Variants in WDR7 observed in about 807,000 individuals in gnomAD.
WDR7 encodes WD repeat domain 7.
A neutral mutation model predicts 169.4 loss-of-function variants in WDR7; 46 were observed. That is an observed-to-expected ratio of 0.27 (90% CI 0.21 to 0.35). The LOEUF (loss-of-function observed/expected upper bound fraction) is 0.35, where lower values mean the gene tolerates loss of function less well. Ranked by LOEUF, WDR7 falls within the 10% of genes least tolerant of loss-of-function variation. The probability of loss-of-function intolerance (pLI) is 1.00; values close to 1 mark genes in which losing one functional copy is unlikely to be tolerated. For synonymous variants in WDR7, 612 were observed against 666.8 expected (o/e 0.92, Z 1.27); for missense variants, 1,534 against 1,859.3 (o/e 0.83, Z 3.22).
intron 22 of WDR7, among the ~76,000 whole-genome samples, chr18:56,932,907 C>G (rs1304876439): frequency 5.5e-5 from 8 of 145,598 alleles, no homozygotes; most frequent in African/African-American, 1.0e-4. Context: ...GTGTGTGTGT[C>G]TATCTGTCTG....
At chr18:56,662,885 A>G (rs1296895553) in intron 1 of WDR7, among the ~76,000 whole-genome samples, 1 of 152,240 alleles carries the variant, frequency 6.6e-6, no homozygotes, top group Non-Finnish European at 1.5e-5. Flanking sequence ...TTCTAGAACT[A>G]AAGAGACATA....
chr18:56,939,807 T>C (rs940787098), intron 25 of WDR7, among the ~76,000 whole-genome samples: 2 of 152,054 alleles, frequency 1.3e-5, no homozygotes, highest in Admixed American at 6.6e-5. Context: ...CCAAGGCCAG[T>C]CTTTGCATTA....
intron 16 of WDR7, among the ~76,000 whole-genome samples, chr18:56,774,142 A>C (rs1410339651): frequency 6.6e-6 from 1 of 152,080 alleles, no homozygotes; most frequent in African/African-American, 2.4e-5. Flanking sequence ...ATATGTATGG[A>C]GCACCCGAAG....
At chr18:56,833,735 C>G (rs2045353664) in intron 20 of WDR7, among the ~76,000 whole-genome samples, 1 of 152,154 alleles carries the variant, frequency 6.6e-6, no homozygotes, top group Non-Finnish European at 1.5e-5. Context: ...TATTCATAAT[C>G]TGGTAGCTAG....
At chr18:56,916,126 T>G (rs1468032580) in intron 21 of WDR7, among the ~76,000 whole-genome samples, 3 of 152,308 alleles carry the variant, frequency 2.0e-5, no homozygotes, top group African/African-American at 7.2e-5. Flanking sequence ...GACAAAATTT[T>G]TTTTATTATA....
At chr18:56,861,151 T>A (rs889105774) in intron 20 of WDR7, among the ~76,000 whole-genome samples, 2 of 152,180 alleles carry the variant, frequency 1.3e-5, no homozygotes, top group Non-Finnish European at 2.9e-5. Context: ...CCTTGATGGT[T>A]GCACTTTGAT....
chr18:56,980,056 C>A (rs1410084769), intron 26 of WDR7, among the ~76,000 whole-genome samples: 2 of 152,150 alleles, frequency 1.3e-5, no homozygotes, highest in Non-Finnish European at 2.9e-5. Flanking sequence ...GTGTCCTCTA[C>A]CCACAATGGC....
intron 12 of WDR7, among the ~76,000 whole-genome samples, chr18:56,701,465 A>T (rs1174042569): frequency 6.6e-6 from 1 of 152,230 alleles, no homozygotes; most frequent in East Asian, 1.9e-4. Context: ...ATAAAGTCCT[A>T]TACCATTTTT....
intron 21 of WDR7, among the ~76,000 whole-genome samples, chr18:56,902,921 A>T (rs1187594051): frequency 1.3e-5 from 2 of 152,160 alleles, no homozygotes; most frequent in African/African-American, 4.8e-5. Flanking sequence ...AATGCGTTTT[A>T]TGTCTAGGAA....
intron 27 of WDR7, among the ~76,000 whole-genome samples, chr18:57,026,503 G>A (rs554206974): frequency 3.3e-5 from 5 of 152,302 alleles, no homozygotes; most frequent in African/African-American, 1.2e-4. Context: ...GGAAATGGGG[G>A]TGGAAGGGAG....
intron 1 of WDR7, among the ~76,000 whole-genome samples, chr18:56,652,458 T>C (rs1266274932): frequency 1.3e-5 from 2 of 152,242 alleles, no homozygotes; most frequent in Non-Finnish European, 2.9e-5. Context: ...AACTGAGTTT[T>C]TGACATTTTG....
At chr18:56,948,533 C>T (rs1055545995) in intron 25 of WDR7, among the ~76,000 whole-genome samples, 4 of 152,190 alleles carry the variant, frequency 2.6e-5, no homozygotes, top group African/African-American at 9.7e-5. Context: ...AGCTATGGCG[C>T]TTCATGTGTT....
chr18:56,924,212 G>A, intron 22 of WDR7, 104 bp downstream of exon 22: 2 of 1,270,442 alleles, frequency 1.6e-6, no homozygotes, highest in Non-Finnish European at 2.2e-6. Flanking sequence ...ATGTTTAATA[G>A]ATAAAAAATA....
chr18:56,796,151 T>TATAGAATAA (rs2044582229), intron 19 of WDR7, among the ~76,000 whole-genome samples: 1 of 152,226 alleles, frequency 6.6e-6, no homozygotes, highest in Non-Finnish European at 1.5e-5. Flanking sequence ...GATATAATCT[T>TATAGAATAA]AACACCCATA....
Position 56,797,101 on chromosome 18 carries a change from G to A in WDR7, c.3190+15445G>A, listed in dbSNP as rs148024088. 1.4e-3 allele frequency among the ~76,000 whole-genome samples: 218 copies of A among 152,200 alleles called. 1 individual carries two copies. The highest frequency in any genetic ancestry group is 2.7e-3 in the Non-Finnish European group (184 of 68,006). ...GAGCCAGGTGCATCAGCTCTGCTTC[G>A]GATCACAGAGATTAGACAGACTCAT... is the stretch of plus-strand genomic sequence containing the variant. On this transcript the variant is annotated intron_variant, in intron 19 of 27. Coordinates refer to ENST00000254442, the MANE Select transcript of WDR7 (RefSeq NM_015285.3).
chr18:56,933,181 G>A (rs151226688), intron 22 of WDR7, among the ~76,000 whole-genome samples: 362 of 152,238 alleles, frequency 2.4e-3, no homozygotes, highest in African/African-American at 8.4e-3. Flanking sequence ...GCAGACAGGT[G>A]CCCAGAGCCA....
At chr18:56,784,908 ATTG>A (rs1039074547) in intron 19 of WDR7, among the ~76,000 whole-genome samples, 12 of 149,130 alleles carry the variant, frequency 8.0e-5, no homozygotes, top group African/African-American at 2.7e-4. Flanking sequence ...CTTGTCATTT[ATTG>A]TTGTTGTTTT....
At chr18:56,965,684 A>G (rs1387788077) in intron 26 of WDR7, among the ~76,000 whole-genome samples, 1 of 152,132 alleles carries the variant, frequency 6.6e-6, no homozygotes, top group Non-Finnish European at 1.5e-5. Flanking sequence ...GTCACTGGCA[A>G]AAACTGTTTT....
chr18:56,923,801 G>A, intron 21 of WDR7, 121 bp from the exon 22 acceptor site: 6 of 962,490 alleles, frequency 6.2e-6, no homozygotes, highest in Non-Finnish European at 8.8e-6. Context: ...TAGTCTTGAG[G>A]TTCAATACCT....
Sources: gnomAD v4.1 joint callset for allele counts (sites outside exome capture counted in the v4.1 genomes callset) on GRCh38, gnomAD v4.1.1 for gene constraint, MANE v1.5 for transcripts, NCBI Gene and HGNC (gene_info 2026-07-23, HGNC 2026-07-21) for gene names.